The following CTNND2 variants were observed in gnomAD, a reference collection of about 807,000 sequenced individuals.
The protein encoded by CTNND2 is catenin delta 2.
A neutral mutation model predicts 144.4 loss-of-function variants in CTNND2; 22 were observed. The observed-to-expected ratio is 0.15, with a 90% CI of 0.11 to 0.22. CTNND2 has a LOEUF of 0.22. Ranked by LOEUF, CTNND2 falls within the 10% of genes least tolerant of loss-of-function variation. CTNND2 has a pLI of 1.00. For synonymous variants in CTNND2, 751 were observed against 695.6 expected, an observed-to-expected ratio of 1.08 and a Z score of -1.25; for missense variants, 1,353 against 1,618.8, an observed-to-expected ratio of 0.84 and a Z score of 2.82.
chr5:11,072,922 C>T (rs1211938254), intron 16 of CTNND2, among the ~76,000 whole-genome samples: 1 of 152,234 alleles, frequency 6.6e-6, no homozygotes, highest in Non-Finnish European at 1.5e-5. Context: ...CTTCTAACTG[C>T]CTTATGCCCC....
At chr5:11,151,241 C>G (rs182550183) in intron 12 of CTNND2, among the ~76,000 whole-genome samples, 1 of 152,306 alleles carries the variant, frequency 6.6e-6, no homozygotes, top group African/African-American at 2.4e-5. Flanking sequence ...TTGGTGTGCT[C>G]TTTCTTCTTC....
chr5:11,545,625 T>C (rs1473544829), intron 3 of CTNND2, among the ~76,000 whole-genome samples: 2 of 135,816 alleles, frequency 1.5e-5, no homozygotes. Context: ...ATCACACCAT[T>C]GCACTCCAGC....
At chr5:11,308,252 T>C (rs1270639278) in intron 9 of CTNND2, among the ~76,000 whole-genome samples, 2 of 151,972 alleles carry the variant, frequency 1.3e-5, no homozygotes, top group East Asian at 3.9e-4. Flanking sequence ...GCAAGCTATC[T>C]ATTCAATTTG....
At chr5:11,775,214 G>A (rs532820512) in intron 1 of CTNND2, among the ~76,000 whole-genome samples, 2 of 152,258 alleles carry the variant, frequency 1.3e-5, no homozygotes, top group South Asian at 2.1e-4. Flanking sequence ...AAACAAAAGA[G>A]TGAAAGACAT....
intron 1 of CTNND2, among the ~76,000 whole-genome samples, chr5:11,802,658 A>G (rs911401074): frequency 2.0e-5 from 3 of 152,234 alleles, no homozygotes; most frequent in African/African-American, 7.2e-5. Flanking sequence ...ACACTTTACC[A>G]GGTCATATAT....
chr5:11,684,576 T>C (rs1298906575), intron 2 of CTNND2, among the ~76,000 whole-genome samples: 1 of 152,238 alleles, frequency 6.6e-6, no homozygotes, highest in African/African-American at 2.4e-5. Context: ...TAAGATCAAG[T>C]ATATTAAGTC....
chr5:11,903,701 C>A lies in CTNND2; in HGVS notation c.37+116G>T. The stretch of plus-strand genomic sequence containing the variant: ...AGGCAGGCAGAAACCCCGCAGCAGC[C>A]GCCGCCGCCGCCTGCCGGCCGGGAG... On this transcript the variant is annotated intron_variant, in intron 1 of 21. Transcript: ENST00000304623. The surrounding 1 kb of genome is among the most constrained non-coding windows in gnomAD (Gnocchi z 5.4). 5.9e-5 allele frequency: 57 copies of A among 959,444 alleles called. No individual in the cohort carries two copies. Among genetic ancestry groups the A allele is most frequent in the South Asian group, 9.0e-5 (4 of 44,634 alleles). The allele number at this position is 959,444 out of a possible 1,614,324, so 59.4% of individuals were successfully genotyped here.
chr5:11,057,284 A>T (rs575566173), intron 16 of CTNND2, among the ~76,000 whole-genome samples: 1 of 152,174 alleles, frequency 6.6e-6, no homozygotes, highest in Non-Finnish European at 1.5e-5. Context: ...CCCCACCCAA[A>T]TCTCATCTTG....
At chr5:11,734,753 G>A (rs926771128) in intron 1 of CTNND2, among the ~76,000 whole-genome samples, 3 of 152,078 alleles carry the variant, frequency 2.0e-5, no homozygotes, top group African/African-American at 4.8e-5. Flanking sequence ...AAGTTATTAC[G>A]TATGTCTAGT....
intron 16 of CTNND2, among the ~76,000 whole-genome samples, chr5:11,073,825 G>C (rs1170330234): frequency 6.6e-6 from 1 of 152,156 alleles, no homozygotes; most frequent in Non-Finnish European, 1.5e-5. Context: ...GTGAAATCAA[G>C]TTATTAAAAC....
At chr5:11,365,216 G>C (rs1756860979) in intron 7 of CTNND2, among the ~76,000 whole-genome samples, 1 of 152,172 alleles carries the variant, frequency 6.6e-6, no homozygotes, top group African/African-American at 2.4e-5. Flanking sequence ...CAGGTAGATA[G>C]TCAGTCCTAA....
In CTNND2 at chr5:11,486,200, T is replaced by C. The variant is rs146459392; in HGVS notation, c.288-74131A>G. ...TGAGATAATATCCAGTAGATCACAC[T>C]GGGTGATAAAATCCAGTAGATCATA... On this transcript the variant is annotated intron_variant, in intron 3 of 21. Transcript: ENST00000304623. Among the ~76,000 whole-genome samples the C allele has an allele frequency of 7.2e-5, 11 of 152,266 alleles. No homozygotes were observed. The East Asian group carries it at 2.1e-3, about 29-fold the overall frequency.
At chr5:11,389,963 G>A (rs527987767) in intron 6 of CTNND2, among the ~76,000 whole-genome samples, 1 of 152,302 alleles carries the variant, frequency 6.6e-6, no homozygotes, top group South Asian at 2.1e-4. Flanking sequence ...TTTAGACTGG[G>A]GGGGAGTCCC....
chr5:11,557,265 C>T (rs1353333248), intron 3 of CTNND2, among the ~76,000 whole-genome samples: 2 of 152,154 alleles, frequency 1.3e-5, no homozygotes, highest in African/African-American at 4.8e-5. Context: ...TCAAGTCAGA[C>T]TTGGCAGGCA....
intron 3 of CTNND2, among the ~76,000 whole-genome samples, chr5:11,543,548 A>C (rs1011386409): frequency 1.3e-5 from 2 of 152,218 alleles, no homozygotes; most frequent in Admixed American, 6.5e-5. Flanking sequence ...AAAAGCCGTA[A>C]GTACATACTG....
At chr5:11,774,632 G>C (rs1300054990) in intron 1 of CTNND2, among the ~76,000 whole-genome samples, 1 of 151,408 alleles carries the variant, frequency 6.6e-6, no homozygotes, top group Non-Finnish European at 1.5e-5. Flanking sequence ...TTACCAGATA[G>C]TCACATTTTC....
chr5:10,982,324 AG>A (rs898257033), intron 20 of CTNND2, among the ~76,000 whole-genome samples: 20 of 152,244 alleles, frequency 1.3e-4, no homozygotes, highest in Admixed American at 5.9e-4. Flanking sequence ...AAGGACGGGC[AG>A]GGGGCATCGC....
At chr5:11,682,588 A>T (rs1162173784) in intron 2 of CTNND2, among the ~76,000 whole-genome samples, 1 of 152,206 alleles carries the variant, frequency 6.6e-6, no homozygotes, top group Non-Finnish European at 1.5e-5. Context: ...TGCTGTATCT[A>T]TAAAGATGCA....
intron 1 of CTNND2, among the ~76,000 whole-genome samples, chr5:11,780,496 C>T (rs1464578197): frequency 2.6e-5 from 4 of 152,136 alleles, no homozygotes; most frequent in Non-Finnish European, 4.4e-5. Flanking sequence ...CTTCCTCTGC[C>T]CTCTCACCTG....
Sources: allele counts gnomAD v4.1 joint callset (sites outside exome capture counted in the v4.1 genomes callset), GRCh38; gene constraint gnomAD v4.1.1; non-coding constraint Gnocchi (gnomAD v3.1); transcripts MANE v1.5; gene names NCBI Gene and HGNC (gene_info 2026-07-23, HGNC 2026-07-21).